Variants in BIRC6 observed in about 807,000 individuals in gnomAD.
BIRC6 encodes dual E2 ubiquitin-conjugating enzyme/E3 ubiquitin-protein ligase BIRC6.
A neutral mutation model predicts 503.3 loss-of-function variants in BIRC6; 98 were observed. That is an observed-to-expected ratio of 0.19 (90% CI 0.17 to 0.23). BIRC6 has a LOEUF of 0.23. Ranked by LOEUF, BIRC6 falls within the 10% of genes least tolerant of loss-of-function variation. The probability of loss-of-function intolerance (pLI) is 1.00; values close to 1 mark genes in which losing one functional copy is unlikely to be tolerated. For missense variants in BIRC6, 5,360 were observed against 5,806.0 expected (o/e 0.92, Z 2.50); for synonymous variants, 2,240 against 2,078.7 (o/e 1.08, Z -2.11).
intron 66 of BIRC6, among the ~76,000 whole-genome samples, chr2:32,581,404 A>G (rs955551367): frequency 6.6e-6 from 1 of 152,246 alleles, no homozygotes; most frequent in South Asian, 2.1e-4. Context: ...CTTTGTTAGA[A>G]TGCAGAACCT....
chr2:32,395,203 A>G (rs1403984039), intron 5 of BIRC6, among the ~76,000 whole-genome samples: 1 of 151,828 alleles, frequency 6.6e-6, no homozygotes, highest in Non-Finnish European at 1.5e-5. Flanking sequence ...AACCAGCCAG[A>G]CTCTTTCTCT....
chr2:32,369,990 GTATGTA>G (rs1558541909), intron 1 of BIRC6, among the ~76,000 whole-genome samples: 9 of 85,704 alleles, frequency 1.1e-4, no homozygotes, highest in Admixed American at 6.8e-4. Context: ...ATATATGTAT[GTATGTA>G]TGTGTGTGTA....
intron 66 of BIRC6, among the ~76,000 whole-genome samples, chr2:32,577,997 A>G (rs900653134): frequency 2.0e-5 from 3 of 152,192 alleles, no homozygotes; most frequent in East Asian, 1.9e-4. Flanking sequence ...TGTGCAGTAC[A>G]TATTTTTAGT....
At chr2:32,454,032 G>GTT in intron 23 of BIRC6, 90 bp downstream of exon 23, 1 of 1,118,134 alleles carries the variant, frequency 8.9e-7, no homozygotes, top group Non-Finnish European at 1.2e-6. Context: ...TTCTAATTAT[G>GTT]TAATTTTCAT....
rs1030981449 is a variant in BIRC6, at chr2:32,439,589, G to A, written c.3713G>A (p.Gly1238Asp). Reference protein sequence around the residue: ...NERGTEEICNGGMRPVVRLPS... With the variant: ...NERGTEEICNDGMRPVVRLPS... ...AGAGGAACAGAAGAGATTTGTAATG[G>A]TGGTATGCGTCCTGTAGTAAGGCTT... The change falls in exon 16 of 74, where the codon GGT becomes GAT. Residue 1238 changes from glycine to aspartate, a missense_variant. Physicochemically the swap from Gly to Asp is moderately conservative, Grantham distance 94. This residue lies in a region of BIRC6 where 2,299 missense variants were observed against 2,267.2 expected (regional missense o/e 1.01). Transcript: ENST00000421745. 3.1e-6 allele frequency: 5 copies of A among 1,613,760 alleles called. No homozygotes were observed. In the South Asian group the frequency reaches 3.3e-5, roughly 11 times the overall value.
chr2:32,575,220 T>C lies in BIRC6; in HGVS notation c.13209T>C (p.Ala4403=). The C allele has an allele frequency of 6.2e-7, 1 of 1,614,054 alleles. No homozygotes were observed. Among genetic ancestry groups the C allele is most frequent in the East Asian group, 2.2e-5 (1 of 44,888 alleles). ...RALLELLRAI[A]SCAAMVPLLL... ...TGCTGGAATTGCTTCGGGCCATTGC[T>C]TCTTGTGCTGCCATGGTGCCCCTAT... Residue 4403 remains alanine, a synonymous_variant, in exon 66 of 74, where the codon GCT becomes GCC. Transcript: ENST00000421745.
At position 32,357,634 on chromosome 2, in the gene BIRC6, A is replaced by C; in HGVS notation, c.325+148A>C. The C allele has an allele frequency of 7.3e-7, 1 of 1,378,342 alleles. No individual in the cohort carries two copies. The highest frequency in any genetic ancestry group is 9.5e-7 in the Non-Finnish European group (1 of 1,054,604). The allele number at this position is 1,378,342 out of a possible 1,614,324, so 85.4% of individuals were successfully genotyped here. A position where few individuals can be genotyped will look rare whatever the true frequency, so the allele number is the denominator to read the frequency against. Reference sequence around the variant, plus strand: ...GCCGTGAAGGGAGGCCCGGAAGCTGATGGAGGGGGACCTTAGGACTTGGCT... The same window carrying C: ...GCCGTGAAGGGAGGCCCGGAAGCTGCTGGAGGGGGACCTTAGGACTTGGCT... On this transcript the variant is annotated intron_variant, in intron 1 of 73. Coordinates refer to ENST00000421745, the MANE Select transcript of BIRC6 (RefSeq NM_016252.4). This position sits in a 1 kb window ranked among gnomAD's most constrained non-coding sequence, Gnocchi z 4.9.
rs1472123006 is a variant in BIRC6 at position 32,369,964 on chromosome 2, ATATATATATATATATATATATGTATG to A, written c.326-7620_326-7595del. Among the ~76,000 whole-genome samples the A allele has an allele frequency of 2.3e-3, 140 of 59,736 alleles. 3 individuals are homozygous for A. The highest frequency in any genetic ancestry group is 7.8e-3 in the African/African-American group (138 of 17,614). The allele number at this position is 59,736 out of a possible 152,430, so 39.2% of individuals were successfully genotyped here. A position where few individuals can be genotyped will look rare whatever the true frequency, so the allele number is the denominator to read the frequency against. On this transcript the variant is annotated intron_variant, in intron 1 of 73. Transcript: ENST00000421745. ...AAAAAAAATATATATATATATATAT[ATATATATATATATATATATATGTATG>A]TATGTATGTGTGTGTATATATATGC...
At chr2:32,548,044 A>C in intron 64 of BIRC6, 30 bp downstream of exon 64, 1 of 1,533,882 alleles carries the variant, frequency 6.5e-7, no homozygotes. Context: ...ATTGTTCATG[A>C]TAATGGCTTT....
chr2:32,503,455 C>T (rs1166582723), intron 49 of BIRC6, among the ~76,000 whole-genome samples: 1 of 151,978 alleles, frequency 6.6e-6, no homozygotes, highest in Non-Finnish European at 1.5e-5. Flanking sequence ...CGGAGTTTTG[C>T]TCTTATTGCC....
At chr2:32,566,865 T>G (rs1173015558) in intron 65 of BIRC6, among the ~76,000 whole-genome samples, 3 of 152,242 alleles carry the variant, frequency 2.0e-5, no homozygotes, top group Admixed American at 2.0e-4. Flanking sequence ...TATGTGAATT[T>G]TGCATCCACA....
intron 3 of BIRC6, among the ~76,000 whole-genome samples, chr2:32,387,477 A>T (rs1301600183): frequency 6.6e-6 from 1 of 152,172 alleles, no homozygotes; most frequent in Non-Finnish European, 1.5e-5. Flanking sequence ...TTATAGACTT[A>T]TTTCTCTGGG....
intron 1 of BIRC6, among the ~76,000 whole-genome samples, chr2:32,359,670 G>GTT (rs1395352613): frequency 6.6e-6 from 1 of 152,140 alleles, no homozygotes; most frequent in Non-Finnish European, 1.5e-5. Context: ...AAATTTGGAA[G>GTT]TTAACAATGG....
At chr2:32,391,462 C>T (rs1039962462) in intron 4 of BIRC6, among the ~76,000 whole-genome samples, 5 of 152,146 alleles carry the variant, frequency 3.3e-5, no homozygotes, top group African/African-American at 1.2e-4. Flanking sequence ...GAATGCATTT[C>T]TAACCAAACA....
Position 32,531,454 on chromosome 2 carries a change from G to A in BIRC6, c.12194G>A (p.Cys4065Tyr). The change falls in exon 61 of 74, where the codon TGT (cysteine) becomes TAT (tyrosine). Residue 4065 changes from cysteine to tyrosine, a missense_variant. Cys to Tyr is a radical substitution (Grantham distance 194). This residue lies in a region of BIRC6 where 878 missense variants were observed against 928.9 expected (regional missense o/e 0.95). Transcript: ENST00000421745. ...GILDESLLET[C>Y]PIQSPLQVFA... ...CTGGATGAATCTTTGCTTGAAACCTGTCCAATTCAGTCACCATTACAAGTT... is the reference window on the plus strand; with the variant it reads ...CTGGATGAATCTTTGCTTGAAACCTATCCAATTCAGTCACCATTACAAGTT... 1 of 1,613,828 alleles carries A rather than the reference G, an allele frequency of 6.2e-7. No individual in the cohort carries two copies. The highest frequency in any genetic ancestry group is 1.1e-5 in the South Asian group (1 of 91,060).
At chr2:32,431,179 ATCTTTT>A in intron 12 of BIRC6, 89 bp downstream of exon 12, 6 of 49,062 alleles carry the variant, frequency 1.2e-4, no homozygotes, top group South Asian at 3.3e-4. Context: ...ATTACTGTTT[ATCTTTT>A]TTTTTTTTTT....
At chr2:32,461,968 C>T (rs149197386) in intron 23 of BIRC6, among the ~76,000 whole-genome samples, 9 of 152,030 alleles carry the variant, frequency 5.9e-5, no homozygotes, top group African/African-American at 1.2e-4. Context: ...GCTTCACATA[C>T]GCTTTGGTTC....
At position 32,509,762 on chromosome 2, in the gene BIRC6, T is replaced by C. The variant is rs1184202531; in HGVS notation, c.10005T>C (p.His3335=). ...KTSIGWLRLL[H]HCLTHISDLE... ...GTATTGGATGGTTACGGTTATTACA[T>C]CATTGCCTTACTCACATAAGTGATC... Residue 3335 remains histidine, a synonymous_variant, in exon 52 of 74, where the codon CAT becomes CAC. Transcript: ENST00000421745. The C allele has an allele frequency of 6.2e-7, 1 of 1,614,028 alleles. No individual in the cohort carries two copies. The highest frequency in any genetic ancestry group is 1.7e-5 in the Admixed American group (1 of 60,030).
At chr2:32,526,102 A>G (rs146497484) in intron 59 of BIRC6, among the ~76,000 whole-genome samples, 13 of 152,306 alleles carry the variant, frequency 8.5e-5, no homozygotes, top group African/African-American at 3.1e-4. Flanking sequence ...AAAATTCAGT[A>G]TCTGATACTT....
Sources: gnomAD v4.1 joint callset for allele counts (sites outside exome capture counted in the v4.1 genomes callset) on GRCh38, gnomAD v4.1.1 for gene constraint, gnomAD v4.1.1 regional missense constraint, Gnocchi (gnomAD v3.1) non-coding constraint, MANE v1.5 for transcripts, NCBI Gene and HGNC (gene_info 2026-07-23, HGNC 2026-07-21) for gene names.